CUTC: variants seen among roughly 807,000 people sequenced by gnomAD.
CUTC encodes the protein cutC copper transporter.
CUTC carries 27 observed loss-of-function variants against 36.2 expected under a neutral mutation model. The observed-to-expected ratio is 0.75, with a 90% CI of 0.55 to 1.03. CUTC has a LOEUF of 1.03. CUTC is among the 50% of genes least tolerant of loss of function. CUTC has a pLI of 0.00. For synonymous variants in CUTC, 114 were observed against 118.3 expected (o/e 0.96, Z 0.24); for missense variants, 315 against 343.5 (o/e 0.92, Z 0.66).
In CUTC at chr10:99,743,115, C is replaced by T. The variant is rs2037352529; in HGVS notation, c.194-38C>T. The T allele has an allele frequency of 4.4e-6, 7 of 1,591,456 alleles. No homozygotes were observed. The East Asian group carries it at 1.3e-4, about 30-fold the overall frequency. ...CCAATAATATATCATTGGCTTTTAG[C>T]TCACATTTGAATTTTAATCTGCTTT... On this transcript the variant is annotated intron_variant, in intron 3 of 8. Coordinates refer to ENST00000370476, the MANE Select transcript of CUTC (RefSeq NM_015960.3).
At chr10:99,752,739 T>TA (rs1461750446) in intron 7 of CUTC, among the ~76,000 whole-genome samples, 1 of 152,230 alleles carries the variant, frequency 6.6e-6, no homozygotes, top group African/African-American at 2.4e-5. Context: ...CATACAAAAA[T>TA]ATTTGTGATT....
At chr10:99,744,777 C>T (rs1186460139) in intron 5 of CUTC, among the ~76,000 whole-genome samples, 5 of 152,062 alleles carry the variant, frequency 3.3e-5, no homozygotes, top group East Asian at 1.9e-4. Context: ...TTGTTTGAGA[C>T]GGAGTCTCGC....
intron 3 of CUTC, among the ~76,000 whole-genome samples, chr10:99,741,217 A>G (rs2037338440): frequency 6.6e-6 from 1 of 152,220 alleles, no homozygotes; most frequent in Admixed American, 6.5e-5. Context: ...TTTGCTGGGC[A>G]AGTCTGGAGC....
chr10:99,743,441 A>G (rs188539039), intron 4 of CUTC, 79 bp downstream of exon 4: 1 of 1,342,116 alleles, frequency 7.5e-7, no homozygotes, highest in East Asian at 2.3e-5. Flanking sequence ...ACAACATCAC[A>G]AAACTGACTT....
At chr10:99,751,549 T>TA (rs1205725753) in intron 7 of CUTC, among the ~76,000 whole-genome samples, 3 of 49,646 alleles carry the variant, frequency 6.0e-5, no homozygotes, top group East Asian at 6.5e-4. Context: ...TTTCTTGCTT[T>TA]AAAAAAAAGT....
intron 2 of CUTC, among the ~76,000 whole-genome samples, chr10:99,737,196 G>C (rs1343622211): frequency 6.6e-6 from 1 of 151,790 alleles, no homozygotes; most frequent in Admixed American, 6.6e-5. Flanking sequence ...CTTGAGTCCA[G>C]GAGGCAGAGG....
At position 99,754,642 on chromosome 10, in the gene CUTC, T is replaced by G. The variant is rs749980777; in HGVS notation, c.707+8T>G. ...CTCGGGAATGAAGTTTCGGTAAAAA[T>G]GTATTCTTCGATTCAAATAAGAAGG... On this transcript the variant is annotated splice_region_variant and intron_variant, in intron 8 of 8. Transcript: ENST00000370476. The G allele has an allele frequency of 1.3e-6, 2 of 1,576,652 alleles. No homozygotes were observed. Among genetic ancestry groups the G allele is most frequent in the Non-Finnish European group, 1.7e-6 (2 of 1,150,150 alleles).
chr10:99,753,950 A>G (rs899489182), intron 7 of CUTC, among the ~76,000 whole-genome samples: 1 of 152,234 alleles, frequency 6.6e-6, no homozygotes, highest in Non-Finnish European at 1.5e-5. Flanking sequence ...GATTCTTTAT[A>G]TATAAATATT....
chr10:99,740,729 C>T (rs1405383309), intron 3 of CUTC, among the ~76,000 whole-genome samples: 2 of 152,122 alleles, frequency 1.3e-5, no homozygotes, highest in Non-Finnish European at 2.9e-5. Flanking sequence ...TTACATTAGA[C>T]TACTTGAAAT....
intron 5 of CUTC, 112 bp downstream of exon 5, chr10:99,744,184 T>C (rs931321951): frequency 3.7e-5 from 31 of 828,574 alleles, no homozygotes; most frequent in Middle Eastern, 4.6e-4. Context: ...AGGTTACCAA[T>C]TGGTTTTTTA....
At chr10:99,743,466 C>T in intron 4 of CUTC, 104 bp downstream of exon 4, 3 of 1,018,430 alleles carry the variant, frequency 2.9e-6, no homozygotes, top group Non-Finnish European at 3.0e-6. Context: ...GTCATAGCTA[C>T]AGACACTTAT....
intron 7 of CUTC, among the ~76,000 whole-genome samples, chr10:99,751,605 C>A (rs1416746576): frequency 6.6e-6 from 1 of 152,208 alleles, no homozygotes; most frequent in Non-Finnish European, 1.5e-5. Flanking sequence ...CGCCTGTAAT[C>A]CCAGCACTTT....
chr10:99,741,247 A>G (rs1472014453), intron 3 of CUTC, among the ~76,000 whole-genome samples: 1 of 152,216 alleles, frequency 6.6e-6, no homozygotes, highest in African/African-American at 2.4e-5. Flanking sequence ...TACAGAGCTA[A>G]TTATTCCTTA....
In CUTC at chr10:99,739,646, C is replaced by T. The variant is rs925234431; in HGVS notation, c.134-64C>T. 8.7e-6 allele frequency: 12 copies of T among 1,386,066 alleles called. No individual in the cohort carries two copies. The Admixed American group carries it at 1.7e-4, about 19-fold the overall frequency. The allele number at this position is 1,386,066 out of a possible 1,614,324, so 85.9% of individuals were successfully genotyped here. ...TATATTTGGAAAAAATATATATAAA[C>T]AGGTTGCTGTTTAATAACAGCTTAT... On this transcript the variant is annotated intron_variant, in intron 2 of 8. Transcript: ENST00000370476.
intron 7 of CUTC, 122 bp from the exon 8 acceptor site, chr10:99,754,407 A>T (rs2037440181): frequency 5.7e-6 from 4 of 701,546 alleles, no homozygotes; most frequent in Non-Finnish European, 1.0e-5. Flanking sequence ...GGGAGAGACT[A>T]ATTTTTGAAT....
intron 8 of CUTC, 135 bp from the exon 9 acceptor site, chr10:99,755,490 A>G (rs1029663857): frequency 5.0e-6 from 3 of 596,148 alleles, no homozygotes; most frequent in Non-Finnish European, 9.0e-6. Flanking sequence ...TAATTAATTG[A>G]TGAAAATTAT....
At chr10:99,745,685 C>A (rs1176150732) in intron 5 of CUTC, among the ~76,000 whole-genome samples, 1 of 152,074 alleles carries the variant, frequency 6.6e-6, no homozygotes, top group African/African-American at 2.4e-5. Context: ...GGTGAAACCC[C>A]GTCTGTACTA....
rs557519783 is a variant in CUTC at position 99,750,841 on chromosome 10, ATC to A, written c.601+449_601+450del. 4.9e-3 allele frequency among the ~76,000 whole-genome samples: 741 copies of A among 152,296 alleles called. 8 individuals carry two copies. The highest frequency in any genetic ancestry group is 0.037 in the South Asian group (177 of 4,828). ...TATAATACTGTCTCAGTTCCTGAAA[ATC>A]TCTGATTGCCAAATTATTTCTTGTA... On this transcript the variant is annotated intron_variant, in intron 7 of 8. Transcript: ENST00000370476.
At position 99,750,376 on chromosome 10, in the gene CUTC, G is replaced by A. The variant is rs1180626342; in HGVS notation, c.581G>A (p.Gly194Asp). 1.9e-6 allele frequency: 3 copies of A among 1,588,620 alleles called. No individual in the cohort carries two copies. Among genetic ancestry groups the A allele is most frequent in the African/African-American group, 1.4e-5 (1 of 73,244 alleles). Reference sequence around the variant, plus strand: ...TTTTTTTTCTTTTTTCAGGCAAAAGGCAGGATTGTGGTAATGCCAGGTATT... The same window carrying A: ...TTTTTTTTCTTTTTTCAGGCAAAAGACAGGATTGTGGTAATGCCAGGTATT... Reference protein sequence around the residue: ...LIKRLIEQAKGRIVVMPGGGI... With the variant: ...LIKRLIEQAKDRIVVMPGGGI... Residue 194 changes from glycine to aspartate, a missense_variant, in exon 7 of 9, where the codon GGC (glycine) becomes GAC (aspartate). Gly to Asp is a moderately conservative substitution (Grantham distance 94, BLOSUM62 -1). Transcript: ENST00000370476.
Sources: allele counts gnomAD v4.1 joint callset (sites outside exome capture counted in the v4.1 genomes callset), GRCh38; gene constraint gnomAD v4.1.1; transcripts MANE v1.5; gene names NCBI Gene and HGNC (gene_info 2026-07-23, HGNC 2026-07-21).